Variants in TIAM1 observed in about 807,000 individuals in gnomAD.
The protein encoded by TIAM1 is rho guanine nucleotide exchange factor TIAM1.
Under a neutral mutation model 163.5 loss-of-function variants are expected in TIAM1, and 65 were observed. That is an observed-to-expected ratio of 0.40 (90% CI 0.33 to 0.49). TIAM1 has a LOEUF of 0.49. Among genes scored for constraint, TIAM1 ranks in the 20% least tolerant of loss-of-function variants. The pLI, the probability that TIAM1 is intolerant of heterozygous loss-of-function variation, is 0.77. For synonymous variants in TIAM1, 833 were observed against 810.1 expected (o/e 1.03, Z -0.48); for missense variants, 1,789 against 2,044.7 (o/e 0.87, Z 2.41).
chr21:31,461,612 A>G (rs1186838402), intron 2 of TIAM1, among the ~76,000 whole-genome samples: 1 of 152,234 alleles, frequency 6.6e-6, no homozygotes, highest in Non-Finnish European at 1.5e-5. Flanking sequence ...TTCAAATATA[A>G]GGATAATGTC....
chr21:31,379,032 C>T (rs1264262379), intron 2 of TIAM1, among the ~76,000 whole-genome samples: 3 of 152,126 alleles, frequency 2.0e-5, no homozygotes, highest in African/African-American at 4.8e-5. Context: ...AATGCAATGG[C>T]GCAATCTCGG....
chr21:31,357,951 T>C (rs1569261628), intron 2 of TIAM1, among the ~76,000 whole-genome samples: 3 of 152,214 alleles, frequency 2.0e-5, no homozygotes, highest in African/African-American at 7.2e-5. Context: ...CTCTTAATGT[T>C]GGAGAACCAC....
chr21:31,510,241 C>A (rs2047168615), intron 1 of TIAM1, among the ~76,000 whole-genome samples: 1 of 152,200 alleles, frequency 6.6e-6, no homozygotes, highest in African/African-American at 2.4e-5. Context: ...TGAGGCCTCT[C>A]CTCGGCTGGC....
At chr21:31,316,588 G>T (rs937530133) in intron 2 of TIAM1, among the ~76,000 whole-genome samples, 2 of 152,146 alleles carry the variant, frequency 1.3e-5, no homozygotes, top group Admixed American at 1.3e-4. Flanking sequence ...ACCCTTATCG[G>T]ATCTAAGGTG....
intron 11 of TIAM1, among the ~76,000 whole-genome samples, chr21:31,205,873 C>T (rs2300339): frequency 0.095 from 14,447 of 151,938 alleles, 1,177 homozygotes; most frequent in East Asian, 0.4. Flanking sequence ...GAAGTTGAGG[C>T]GGGAGGATTG....
intron 1 of TIAM1, among the ~76,000 whole-genome samples, chr21:31,501,559 T>G (rs938477021): frequency 2.0e-5 from 3 of 151,774 alleles, no homozygotes; most frequent in African/African-American, 7.3e-5. Context: ...TATTTCTCAC[T>G]GGAACCCACC....
chr21:31,146,415 A>C (rs1568915484), intron 20 of TIAM1, among the ~76,000 whole-genome samples: 1 of 150,130 alleles, frequency 6.7e-6, no homozygotes, highest in Non-Finnish European at 1.5e-5. Flanking sequence ...AAAAAAAAAA[A>C]AAAAAAAAAA....
chr21:31,501,148 C>T (rs2046834454), intron 1 of TIAM1, among the ~76,000 whole-genome samples: 1 of 152,034 alleles, frequency 6.6e-6, no homozygotes, highest in Admixed American at 6.6e-5. Flanking sequence ...AATGATTCCC[C>T]CAAGGGATAA....
At chr21:31,270,874 C>A (rs2073026315) in intron 3 of TIAM1, among the ~76,000 whole-genome samples, 1 of 152,190 alleles carries the variant, frequency 6.6e-6, no homozygotes, top group Admixed American at 6.5e-5. Flanking sequence ...GCCTCAGGGC[C>A]TGTGCCTGTC....
chr21:31,298,813 AG>A (rs2074393912), intron 2 of TIAM1, among the ~76,000 whole-genome samples: 2 of 151,702 alleles, frequency 1.3e-5, no homozygotes, highest in African/African-American at 4.9e-5. Flanking sequence ...AGAGAGAGAG[AG>A]AGAGAGAGAG....
At chr21:31,485,468 A>G (rs1254893910) in intron 1 of TIAM1, among the ~76,000 whole-genome samples, 1 of 152,200 alleles carries the variant, frequency 6.6e-6, no homozygotes, top group Non-Finnish European at 1.5e-5. Context: ...AACATTTAAT[A>G]CACTGTTGCC....
intron 2 of TIAM1, among the ~76,000 whole-genome samples, chr21:31,293,375 C>T (rs926299690): frequency 2.2e-4 from 34 of 152,282 alleles, no homozygotes; most frequent in Non-Finnish European, 4.3e-4. Context: ...ATGTTAATTA[C>T]ATCCAAACAT....
At chr21:31,394,726 T>TCACA (rs1166298815) in intron 2 of TIAM1, among the ~76,000 whole-genome samples, 142 of 81,648 alleles carry the variant, frequency 1.7e-3, no homozygotes, top group African/African-American at 5.3e-3. Flanking sequence ...TCTCTCTCTC[T>TCACA]CTCACACACA....
intron 17 of TIAM1, among the ~76,000 whole-genome samples, chr21:31,153,991 G>C (rs1015516502): frequency 2.0e-5 from 3 of 151,964 alleles, no homozygotes; most frequent in Non-Finnish European, 4.4e-5. Flanking sequence ...TTGAGCGCAG[G>C]AAGTAAAGGC....
At chr21:31,536,876 G>C (rs550090549) in intron 1 of TIAM1, among the ~76,000 whole-genome samples, 1 of 152,328 alleles carries the variant, frequency 6.6e-6, no homozygotes, top group Admixed American at 6.5e-5. Context: ...GTTCAGGAGA[G>C]AGGGCAAGAA....
intron 3 of TIAM1, among the ~76,000 whole-genome samples, chr21:31,267,433 TACAC>T (rs2072839062): frequency 6.6e-6 from 1 of 152,016 alleles, no homozygotes; most frequent in Non-Finnish European, 1.5e-5. Context: ...TTTGAAATGA[TACAC>T]ATATTTCAAA....
At chr21:31,238,307 T>C (rs1283158109) in intron 6 of TIAM1, among the ~76,000 whole-genome samples, 1 of 152,248 alleles carries the variant, frequency 6.6e-6, no homozygotes, top group African/African-American at 2.4e-5. Flanking sequence ...AGGCAGAGAA[T>C]GCCTTCATGG....
At position 31,416,636 on chromosome 21, in the gene TIAM1, G is replaced by A. The variant is rs188028226; in HGVS notation, c.-369+47347C>T. The stretch of plus-strand genomic sequence containing the variant: ...TGGCCTCCAGCTCCATCCAAGTTGC[G>A]CAACAGACATGATTTCATTCCTTTT... On this transcript the variant is annotated intron_variant, in intron 2 of 28. Transcript: ENST00000286827. Among the ~76,000 whole-genome samples, 137 of 152,248 alleles carry A rather than the reference G, an allele frequency of 9.0e-4. 1 individual carries two copies. Among genetic ancestry groups the A allele is most frequent in the Non-Finnish European group, 3.1e-4 (21 of 68,038 alleles).
intron 17 of TIAM1, among the ~76,000 whole-genome samples, chr21:31,153,580 TCAGAACAAGTGATAACACAAAGACAA>T (rs1459832745): frequency 6.6e-6 from 1 of 152,164 alleles, no homozygotes; most frequent in Non-Finnish European, 1.5e-5. Flanking sequence ...TGACCAGGTG[TCAGAACAAGTGATAACACAAAGACAA>T]CAGACCTGGC....
Sources: gnomAD v4.1 joint callset for allele counts (sites outside exome capture counted in the v4.1 genomes callset) on GRCh38, gnomAD v4.1.1 for gene constraint, MANE v1.5 for transcripts, NCBI Gene and HGNC (gene_info 2026-07-23, HGNC 2026-07-21) for gene names.